Variants in SMARCC1 observed in about 807,000 individuals in gnomAD.
SMARCC1 encodes the protein SWI/SNF related BAF chromatin remodeling complex subunit C1, also known as SWI/SNF complex subunit SMARCC1.
In SMARCC1, 43 loss-of-function variants were observed where a neutral mutation model predicts 147.4. That is an observed-to-expected ratio of 0.29 (90% CI 0.23 to 0.38). The LOEUF is 0.38. Ranked by LOEUF, SMARCC1 falls within the 10% of genes least tolerant of loss-of-function variation. SMARCC1 has a pLI of 1.00. For synonymous variants in SMARCC1, 495 were observed against 484.4 expected (o/e 1.02, Z -0.29); for missense variants, 1,119 against 1,381.1 (o/e 0.81, Z 3.01).
intron 19 of SMARCC1, among the ~76,000 whole-genome samples, chr3:47,666,017 A>G (rs2033416116): frequency 6.6e-6 from 1 of 152,074 alleles, no homozygotes; most frequent in Non-Finnish European, 1.5e-5. Flanking sequence ...AATATGTTTT[A>G]CATAAAACAC....
In SMARCC1 at chr3:47,745,886, GCAAA is replaced by G. The variant is rs2034559333; in HGVS notation, c.401+18_401+21del. On this transcript the variant is annotated intron_variant, in intron 3 of 27. Transcript: ENST00000254480. ...AGTAAATAACTTAAGATCAAAACAT[GCAAA>G]CAAATACAAAAACTTACCATCCCTG... 7.1e-7 allele frequency: 1 copy of G among 1,417,748 alleles called. No individual in the cohort carries two copies. Among genetic ancestry groups the G allele is most frequent in the African/African-American group, 1.5e-5 (1 of 68,304 alleles). 87.8% of individuals were successfully genotyped at this position (1,417,748 alleles called of 1,614,324 possible). A position where few individuals can be genotyped will look rare whatever the true frequency, so the allele number is the denominator to read the frequency against.
chr3:47,680,779 C>T (rs2033635219), intron 14 of SMARCC1, among the ~76,000 whole-genome samples: 1 of 151,818 alleles, frequency 6.6e-6, no homozygotes, highest in Non-Finnish European at 1.5e-5. Flanking sequence ...GATCTCCTGA[C>T]CTCGTGATCC....
intron 25 of SMARCC1, chr3:47,610,563 C>T: frequency 1.8e-6 from 1 of 550,352 alleles, no homozygotes; most frequent in South Asian, 2.1e-5. Context: ...CTAAGTCTTT[C>T]CTTGCAATCT....
At chr3:47,696,082 G>A (rs930646876) in intron 11 of SMARCC1, among the ~76,000 whole-genome samples, 5 of 146,012 alleles carry the variant, frequency 3.4e-5, no homozygotes, top group African/African-American at 5.0e-5. Context: ...AAAAAAGGGG[G>A]GGGGGGGGCC....
Position 47,675,012 on chromosome 3 carries a change from G to A in SMARCC1, c.1839+463C>T, listed in dbSNP as rs2033551464. Among the ~76,000 whole-genome samples, 3 of 152,090 alleles carry A rather than the reference G, an allele frequency of 2.0e-5. No individual in the cohort carries two copies. In the South Asian group the frequency reaches 6.2e-4, roughly 31 times the overall value. ...GGCCTCCCAAAGTGCTGAAATTACAGGTGTGAGCCACCGTGTCCAGCCTGA... is the reference window on the plus strand; with the variant it reads ...GGCCTCCCAAAGTGCTGAAATTACAAGTGTGAGCCACCGTGTCCAGCCTGA... On this transcript the variant is annotated intron_variant, in intron 18 of 27. Coordinates refer to ENST00000254480, the MANE Select transcript of SMARCC1 (RefSeq NM_003074.4).
chr3:47,628,551 A>G (rs761905978), intron 24 of SMARCC1, among the ~76,000 whole-genome samples: 65 of 152,210 alleles, frequency 4.3e-4, no homozygotes, highest in Non-Finnish European at 7.8e-4. Flanking sequence ...GCAAGAAAAC[A>G]TAGGTGTGGC....
chr3:47,708,634 T>C (rs765046175), intron 9 of SMARCC1, among the ~76,000 whole-genome samples: 4 of 152,096 alleles, frequency 2.6e-5, no homozygotes, highest in Admixed American at 6.6e-5. Context: ...TAAGTATATC[T>C]TCTGGAAAGG....
In SMARCC1 at chr3:47,701,379, C is replaced by A. The variant is rs1410710929; in HGVS notation, c.1064G>T (p.Arg355Leu). Residue 355 changes from arginine to leucine, a missense_variant, in exon 11 of 28, where the codon CGC becomes CTC. Coordinates refer to ENST00000254480, the MANE Select transcript of SMARCC1 (RefSeq NM_003074.4). ...KKGQASLYGK[R>L]RSQKEEDEQE... ...CTCATCTTCCTCTTTCTGACTTCTG[C>A]GCTTCCCATAAAGGCTAGCTTGGCT... 3 of 1,613,652 alleles carry A rather than the reference C, an allele frequency of 1.9e-6. No individual in the cohort carries two copies. Among genetic ancestry groups the A allele is most frequent in the Non-Finnish European group, 2.5e-6 (3 of 1,179,626 alleles).
At chr3:47,756,084 G>A (rs2106855021) in intron 2 of SMARCC1, among the ~76,000 whole-genome samples, 1 of 146,932 alleles carries the variant, frequency 6.8e-6, no homozygotes. Flanking sequence ...TGAGGCAGCA[G>A]AACCATTTGA....
At chr3:47,621,285 C>A (rs549776914) in intron 25 of SMARCC1, among the ~76,000 whole-genome samples, 2 of 134,906 alleles carry the variant, frequency 1.5e-5, no homozygotes, top group African/African-American at 5.8e-5. Context: ...GGCAACAGGG[C>A]GAGACTCCGT....
intron 21 of SMARCC1, among the ~76,000 whole-genome samples, chr3:47,652,967 T>TG (rs2033210321): frequency 6.7e-6 from 1 of 150,236 alleles, no homozygotes; most frequent in East Asian, 1.9e-4. Flanking sequence ...TTTTTTTTTT[T>TG]GAGACGGAGT....
chr3:47,781,724 G>C lies in SMARCC1; in HGVS notation c.74C>G (p.Ala25Gly). ...CCGTCGATAAACAGCTAGGCCTGCG[G>C]CTGCCGCCGCAATCCCCGAGCCCGT... ...GATGSGIAAA[A>G]AGLAVYRRKD... is the part of the protein sequence containing the mutation. The change falls in exon 1 of 28, where the codon GCC becomes GGC. Residue 25 changes from alanine (A) to glycine (G), a missense_variant. This residue lies in a region of SMARCC1 where 542 missense variants were observed against 611.8 expected (regional missense o/e 0.89). Transcript: ENST00000254480. 1 of 1,552,794 alleles carries C rather than the reference G, an allele frequency of 6.4e-7. No homozygotes were observed. The highest frequency in any genetic ancestry group is 8.7e-7 in the Non-Finnish European group (1 of 1,154,712).
intron 13 of SMARCC1, 31 bp from the exon 14 acceptor site, chr3:47,686,201 G>A (rs1443479515): frequency 7.6e-6 from 12 of 1,585,320 alleles, no homozygotes; most frequent in Non-Finnish European, 1.0e-5. Flanking sequence ...TTCAAAGAAA[G>A]AAAGAACTAC....
intron 26 of SMARCC1, among the ~76,000 whole-genome samples, chr3:47,596,584 T>A (rs1466697549): frequency 2.7e-5 from 4 of 149,394 alleles, no homozygotes; most frequent in Admixed American, 6.7e-5. Context: ...AAAAAATAAA[T>A]AAATAAATAA....
intron 6 of SMARCC1, among the ~76,000 whole-genome samples, chr3:47,722,581 C>CCGCT (rs1311608486): frequency 6.6e-6 from 1 of 152,070 alleles, no homozygotes; most frequent in Non-Finnish European, 1.5e-5. Flanking sequence ...CAGGCATGAG[C>CCGCT]CGCTGTGCCT....
At chr3:47,724,559 C>T (rs2034276969) in intron 6 of SMARCC1, among the ~76,000 whole-genome samples, 1 of 152,168 alleles carries the variant, frequency 6.6e-6, no homozygotes, top group African/African-American at 2.4e-5. Context: ...TTTCTTAGAA[C>T]ATTATGGTTT....
At chr3:47,760,229 G>A (rs1333621347) in intron 2 of SMARCC1, among the ~76,000 whole-genome samples, 6 of 151,718 alleles carry the variant, frequency 4.0e-5, no homozygotes, top group Admixed American at 6.6e-5. Flanking sequence ...CATGAGAATC[G>A]CATGAACCCA....
intron 2 of SMARCC1, among the ~76,000 whole-genome samples, chr3:47,754,181 G>C (rs907709269): frequency 8.6e-5 from 13 of 151,270 alleles, no homozygotes; most frequent in African/African-American, 2.9e-4. Context: ...TCATTTACTT[G>C]TCACAACAAG....
chr3:47,696,362 A>G (rs1010083634), intron 11 of SMARCC1, among the ~76,000 whole-genome samples: 3 of 152,116 alleles, frequency 2.0e-5, no homozygotes, highest in Non-Finnish European at 4.4e-5. Flanking sequence ...CAACAGAGCG[A>G]GACTCTGTCT....
Sources: gnomAD v4.1 joint callset for allele counts (sites outside exome capture counted in the v4.1 genomes callset) on GRCh38, gnomAD v4.1.1 for gene constraint, gnomAD v4.1.1 regional missense constraint, MANE v1.5 for transcripts, NCBI Gene and HGNC (gene_info 2026-07-23, HGNC 2026-07-21) for gene names.